The following CACUL1 variants were observed in gnomAD, a reference collection of about 807,000 sequenced individuals.
CACUL1 encodes the protein CDK2-associated and cullin domain-containing protein 1.
Under a neutral mutation model 45.2 loss-of-function variants are expected in CACUL1, and 13 were observed. That is an observed-to-expected ratio of 0.29 (90% CI 0.19 to 0.46). CACUL1 has a LOEUF of 0.46. Among genes scored for constraint, CACUL1 ranks in the 20% least tolerant of loss-of-function variants. The probability of loss-of-function intolerance (pLI) is 1.00; values close to 1 mark genes in which losing one functional copy is unlikely to be tolerated. For missense variants in CACUL1, 421 were observed against 471.4 expected (o/e 0.89, Z 0.99); for synonymous variants, 197 against 174.2 (o/e 1.13, Z -1.03).
At chr10:118,687,342 C>A (rs565009205) in intron 7 of CACUL1, among the ~76,000 whole-genome samples, 117 of 152,322 alleles carry the variant, frequency 7.7e-4, no homozygotes, top group African/African-American at 2.7e-3. Context: ...GATTTATATA[C>A]ACTGGCAAGT....
Position 118,754,551 on chromosome 10 carries a change from T to C in CACUL1, c.212A>G (p.Lys71Arg), listed in dbSNP as rs1387322627. ...CTGCGGCCCCATCGGGAGCCCCTCC[T>C]TGGGGCCTTTCCTGTCCACGGAGAC... ...PAVSVDRKGP[K>R]EGLPMGPQPP... The change falls in exon 1 of 9, where the codon AAG becomes AGG. Residue 71 changes from lysine to arginine, a missense_variant. Physicochemically the swap from Lys to Arg is conservative, Grantham distance 26. Coordinates refer to ENST00000369151, the MANE Select transcript of CACUL1 (RefSeq NM_153810.5). 35 of 1,612,242 alleles carry C rather than the reference T, an allele frequency of 2.2e-5. No individual in the cohort carries two copies. The highest frequency in any genetic ancestry group is 2.8e-5 in the Non-Finnish European group (33 of 1,179,412).
intron 3 of CACUL1, among the ~76,000 whole-genome samples, chr10:118,723,930 AATTTTTTT>A: frequency 6.6e-6 from 1 of 152,032 alleles, no homozygotes; most frequent in Non-Finnish European, 1.5e-5. Flanking sequence ...ACACCCAGGT[AATTTTTTT>A]GTATTTGTAG....
chr10:118,722,095 T>C (rs1442766539), intron 3 of CACUL1, among the ~76,000 whole-genome samples: 1 of 151,814 alleles, frequency 6.6e-6, no homozygotes, highest in Non-Finnish European at 1.5e-5. Context: ...TTTTTTTTTT[T>C]TTCTTGAGAC....
chr10:118,709,123 G>A (rs1717729906), intron 3 of CACUL1, among the ~76,000 whole-genome samples: 1 of 152,132 alleles, frequency 6.6e-6, no homozygotes, highest in Admixed American at 6.5e-5. Flanking sequence ...GTAAGCTGGA[G>A]AATATTAACA....
chr10:118,714,535 G>A (rs1845523073), intron 3 of CACUL1, among the ~76,000 whole-genome samples: 1 of 152,132 alleles, frequency 6.6e-6, no homozygotes, highest in Admixed American at 6.5e-5. Context: ...CATTTTCCTG[G>A]AAGTGACAAT....
At chr10:118,736,931 T>C (rs1391234197) in intron 1 of CACUL1, among the ~76,000 whole-genome samples, 2 of 152,180 alleles carry the variant, frequency 1.3e-5, no homozygotes, top group Admixed American at 6.5e-5. Flanking sequence ...TACAGGTTTG[T>C]AGCCTAAAAG....
chr10:118,754,093 G>A (rs527851550), intron 1 of CACUL1, among the ~76,000 whole-genome samples: 68 of 152,306 alleles, frequency 4.5e-4, no homozygotes, highest in African/African-American at 1.6e-3. Flanking sequence ...GCTTCCCAAT[G>A]TTGAGAGACT....
intron 1 of CACUL1, among the ~76,000 whole-genome samples, chr10:118,735,317 T>C (rs1476754785): frequency 2.6e-5 from 4 of 152,256 alleles, no homozygotes; most frequent in East Asian, 1.9e-4. Context: ...TCAGGAATTA[T>C]AGTAAGCATT....
At chr10:118,690,168 G>A (rs1845247977) in intron 7 of CACUL1, among the ~76,000 whole-genome samples, 1 of 151,946 alleles carries the variant, frequency 6.6e-6, no homozygotes, top group Non-Finnish European at 1.5e-5. Flanking sequence ...GGGCGCGGTG[G>A]CGGGCGCCTG....
intron 1 of CACUL1, among the ~76,000 whole-genome samples, chr10:118,750,782 C>T (rs2119687643): frequency 8.2e-6 from 1 of 122,320 alleles, no homozygotes; most frequent in Non-Finnish European, 1.8e-5. Context: ...ATTCATTCAG[C>T]TTTCTAATTT....
chr10:118,685,381 G>T lies in CACUL1; in HGVS notation c.*747C>A, dbSNP rs1047837362. ...TGAACCAGGGGAAAATCCGACCCAT[G>T]TGCAAAAGGTTTCTATTTTCCCACT... is the stretch of plus-strand genomic sequence containing the variant. On this transcript the variant is annotated 3_prime_UTR_variant, in exon 9 of 9. Transcript: ENST00000369151. The T allele has an allele frequency of 1.6e-5, 2 of 125,766 alleles. No individual in the cohort carries two copies. The highest frequency in any genetic ancestry group is 3.6e-5 in the Non-Finnish European group (2 of 55,326). 7.8% of individuals were successfully genotyped at this position (125,766 alleles called of 1,614,324 possible).
rs561875920 is a variant in CACUL1 at position 118,727,021 on chromosome 10, T to C, written c.597+2274A>G. 7.2e-5 allele frequency among the ~76,000 whole-genome samples: 11 copies of C among 152,296 alleles called. No individual in the cohort carries two copies. In the South Asian group the frequency reaches 2.3e-3, roughly 32 times the overall value. On this transcript the variant is annotated intron_variant, in intron 3 of 8. Coordinates refer to ENST00000369151, the MANE Select transcript of CACUL1 (RefSeq NM_153810.5). ...TTCATAAGACCATATTGCTGAACTC[T>C]AAGTGGGACATGTATTGATTCTAAA... is the stretch of plus-strand genomic sequence containing the variant.
Position 118,683,327 on chromosome 10 carries a change from TGTG to T in CACUL1, c.*2798_*2800del, listed in dbSNP as rs1165723606. 1 of 147,684 alleles carries T rather than the reference TGTG, an allele frequency of 6.8e-6. No individual in the cohort carries two copies. The highest frequency in any genetic ancestry group is 1.5e-5 in the Non-Finnish European group (1 of 67,634). 9.1% of individuals were successfully genotyped at this position (147,684 alleles called of 1,614,324 possible). ...CTTCAATGATTTGGGCCTTTAGTGA[TGTG>T]GTACAAAACCCAGTATGTAATTGGG... On this transcript the variant is annotated 3_prime_UTR_variant, in exon 9 of 9. Transcript: ENST00000369151.
chr10:118,683,970 A>G lies in CACUL1; in HGVS notation c.*2158T>C, dbSNP rs1473397621. On this transcript the variant is annotated 3_prime_UTR_variant, in exon 9 of 9. Coordinates refer to ENST00000369151, the MANE Select transcript of CACUL1 (RefSeq NM_153810.5). ...TGACTTCCAGTCAAGGTTTTGTTGT[A>G]TTAAGAGCTGACCCATAGCCAGCTG... 1 of 152,502 alleles carries G rather than the reference A, an allele frequency of 6.6e-6. No homozygotes were observed. Among genetic ancestry groups the G allele is most frequent in the African/African-American group, 2.4e-5 (1 of 41,456 alleles). 9.4% of individuals were successfully genotyped at this position (152,502 alleles called of 1,614,324 possible).
intron 1 of CACUL1, among the ~76,000 whole-genome samples, chr10:118,732,326 A>C (rs895998792): frequency 1.3e-5 from 2 of 152,236 alleles, no homozygotes; most frequent in Admixed American, 6.5e-5. Context: ...GAGTGGCTCC[A>C]AAGTTTTTGG....
At chr10:118,697,938 A>T (rs1256392690) in intron 5 of CACUL1, among the ~76,000 whole-genome samples, 1 of 152,214 alleles carries the variant, frequency 6.6e-6, no homozygotes, top group East Asian at 1.9e-4. Context: ...TTTATAAGCA[A>T]ATATGCATAA....
chr10:118,700,460 G>A (rs1027590932), intron 5 of CACUL1, among the ~76,000 whole-genome samples: 1 of 152,132 alleles, frequency 6.6e-6, no homozygotes, highest in African/African-American at 2.4e-5. Context: ...GCTCACGCCT[G>A]TAATCCCAGC....
At chr10:118,703,719 G>A (rs1165572603) in intron 4 of CACUL1, among the ~76,000 whole-genome samples, 1 of 152,114 alleles carries the variant, frequency 6.6e-6, no homozygotes, top group Non-Finnish European at 1.5e-5. Context: ...AGATTCACCA[G>A]AACTGAATAT....
intron 6 of CACUL1, among the ~76,000 whole-genome samples, chr10:118,691,926 T>C (rs1589602304): frequency 6.6e-6 from 1 of 151,892 alleles, no homozygotes; most frequent in East Asian, 1.9e-4. Flanking sequence ...AAGCCATTTT[T>C]ACTTTACTGA....
Sources: allele counts gnomAD v4.1 joint callset (sites outside exome capture counted in the v4.1 genomes callset), GRCh38; gene constraint gnomAD v4.1.1; transcripts MANE v1.5; gene names NCBI Gene and HGNC (gene_info 2026-07-23, HGNC 2026-07-21).